The following NKAIN2 variants were observed in gnomAD, a reference collection of about 807,000 sequenced individuals.
The protein encoded by NKAIN2 is sodium/potassium-transporting ATPase subunit beta-1-interacting protein 2.
A neutral mutation model predicts 32.6 loss-of-function variants in NKAIN2; 14 were observed. The observed-to-expected ratio is 0.43, with a 90% confidence interval of 0.28 to 0.67. NKAIN2 has a LOEUF of 0.67. NKAIN2 is among the 30% of genes least tolerant of loss of function. The pLI is 0.17. For synonymous variants in NKAIN2, 80 were observed against 87.2 expected (o/e 0.92, Z 0.46); for missense variants, 198 against 258.3 (o/e 0.77, Z 1.60).
chr6:124,021,945 G>C lies in NKAIN2; in HGVS notation c.54+217691G>C, dbSNP rs191500250. On this transcript the variant is annotated intron_variant, in intron 1 of 6. Coordinates refer to ENST00000368417, the MANE Select transcript of NKAIN2 (RefSeq NM_001040214.3). ...GGTCTAGGGTACAAGTGCACAACGT[G>C]CAAGTTTTTTACATATGTATACATG... Among the ~76,000 whole-genome samples the C allele has an allele frequency of 1.4e-3, 208 of 152,214 alleles. 1 individual carries two copies. Among genetic ancestry groups the C allele is most frequent in the Non-Finnish European group, 2.2e-3 (149 of 68,014 alleles).
intron 3 of NKAIN2, among the ~76,000 whole-genome samples, chr6:124,497,599 G>GA (rs1778110723): frequency 1.3e-5 from 2 of 151,826 alleles, no homozygotes; most frequent in Non-Finnish European, 2.9e-5. Flanking sequence ...CAATGCTAAA[G>GA]AAGTTGGAAA....
chr6:123,903,133 G>A (rs1458950595), intron 1 of NKAIN2, among the ~76,000 whole-genome samples: 3 of 152,186 alleles, frequency 2.0e-5, no homozygotes, highest in African/African-American at 4.8e-5. Flanking sequence ...AGTGAAAGTC[G>A]TTATCCTCTG....
At chr6:124,405,149 G>C (rs936802876) in intron 3 of NKAIN2, among the ~76,000 whole-genome samples, 4 of 152,174 alleles carry the variant, frequency 2.6e-5, no homozygotes, top group African/African-American at 9.7e-5. Flanking sequence ...CTAACATAAA[G>C]TATTAAACAT....
At chr6:124,046,218 T>C (rs79907234) in intron 1 of NKAIN2, among the ~76,000 whole-genome samples, 3,163 of 152,138 alleles carry the variant, frequency 0.021, 118 homozygotes, top group African/African-American at 0.072. Context: ...AGTATGCTAC[T>C]ATATAAATAA....
chr6:123,809,276 ATTGT>A (rs1773351595), intron 1 of NKAIN2, among the ~76,000 whole-genome samples: 1 of 151,992 alleles, frequency 6.6e-6, no homozygotes, highest in South Asian at 2.1e-4. Flanking sequence ...TGGAAACTTG[ATTGT>A]TGTTTATTAT....
At chr6:124,667,430 A>C (rs927053970) in intron 4 of NKAIN2, among the ~76,000 whole-genome samples, 10 of 152,138 alleles carry the variant, frequency 6.6e-5, no homozygotes, top group African/African-American at 1.9e-4. Context: ...AGTGAAGTAC[A>C]TTAAATTATA....
chr6:124,551,889 T>G (rs1780300447), intron 3 of NKAIN2, among the ~76,000 whole-genome samples: 1 of 152,234 alleles, frequency 6.6e-6, no homozygotes, highest in Non-Finnish European at 1.5e-5. Context: ...ACCTTTGATG[T>G]GTCAGCTAAA....
intron 4 of NKAIN2, among the ~76,000 whole-genome samples, chr6:124,698,967 CAA>C (rs1774633171): frequency 6.6e-6 from 1 of 152,180 alleles, no homozygotes; most frequent in African/African-American, 2.4e-5. Flanking sequence ...CCAGGCCTAG[CAA>C]TTCCACTCAT....
At chr6:124,209,314 T>C (rs1482851361) in intron 1 of NKAIN2, among the ~76,000 whole-genome samples, 4 of 151,888 alleles carry the variant, frequency 2.6e-5, no homozygotes, top group African/African-American at 9.7e-5. Context: ...TTCCTTTTTA[T>C]GGCTGAATAA....
At chr6:124,147,182 A>G (rs903337384) in intron 1 of NKAIN2, among the ~76,000 whole-genome samples, 6 of 152,150 alleles carry the variant, frequency 3.9e-5, no homozygotes, top group Non-Finnish European at 7.3e-5. Context: ...CATGCTGCGG[A>G]CTTTTAGAAA....
intron 1 of NKAIN2, among the ~76,000 whole-genome samples, chr6:124,069,209 T>C (rs992882270): frequency 2.0e-5 from 3 of 152,166 alleles, no homozygotes; most frequent in Non-Finnish European, 4.4e-5. Context: ...TCTATTAAAC[T>C]TTATTACCTC....
intron 3 of NKAIN2, among the ~76,000 whole-genome samples, chr6:124,400,606 T>TC (rs558535749): frequency 2.4e-4 from 37 of 152,302 alleles, no homozygotes; most frequent in Middle Eastern, 3.4e-3. Context: ...ACACCAAGTT[T>TC]CCATTATATC....
Position 124,825,361 on chromosome 6 carries a change from A to G in NKAIN2, c.*2132A>G, listed in dbSNP as rs1466721208. On this transcript the variant is annotated 3_prime_UTR_variant, in exon 7 of 7. Coordinates refer to ENST00000368417, the MANE Select transcript of NKAIN2 (RefSeq NM_001040214.3). Reference sequence around the variant, plus strand: ...AGTAGTTGACTACTAAAAAGTAATCAGTGGACAGGTCATTTATGGGATCAG... The same window carrying G: ...AGTAGTTGACTACTAAAAAGTAATCGGTGGACAGGTCATTTATGGGATCAG... 1 of 152,650 alleles carries G rather than the reference A, an allele frequency of 6.6e-6. No homozygotes were observed. The highest frequency in any genetic ancestry group is 6.5e-5 in the Admixed American group (1 of 15,276). 9.5% of individuals were successfully genotyped at this position (152,650 alleles called of 1,614,324 possible). A position where few individuals can be genotyped will look rare whatever the true frequency, so the allele number is the denominator to read the frequency against.
rs551304574 is a variant in NKAIN2 at position 124,355,119 on chromosome 6, G to A, written c.193-148G>A. ...AAAAAAAATCTCAACAGAGATAAAC[G>A]TACATCTAATCCTGTTCCTTAGAGA... On this transcript the variant is annotated intron_variant, in intron 2 of 6. Coordinates refer to ENST00000368417, the MANE Select transcript of NKAIN2 (RefSeq NM_001040214.3). 7.6e-4 allele frequency: 361 copies of A among 474,364 alleles called. 2 individuals are homozygous for A. Among genetic ancestry groups the A allele is most frequent in the African/African-American group, 6.9e-3 (342 of 49,636 alleles). 29.4% of individuals were successfully genotyped at this position (474,364 alleles called of 1,614,324 possible).
intron 2 of NKAIN2, among the ~76,000 whole-genome samples, chr6:124,336,005 A>G (rs2325998): frequency 0.8 from 121,266 of 152,148 alleles, 48,457 homozygotes; most frequent in Admixed American, 0.86. Context: ...AATTTGTATC[A>G]TCTTACTGAA....
chr6:124,601,616 G>C (rs951726536), intron 3 of NKAIN2, among the ~76,000 whole-genome samples: 2 of 152,022 alleles, frequency 1.3e-5, no homozygotes, highest in African/African-American at 4.8e-5. Flanking sequence ...CATTGTGTCT[G>C]AAGAGTGCCT....
intron 4 of NKAIN2, among the ~76,000 whole-genome samples, chr6:124,712,835 C>A (rs1033046732): frequency 1.3e-5 from 2 of 152,036 alleles, no homozygotes; most frequent in African/African-American, 2.4e-5. Context: ...TCCCCCTAAA[C>A]TCTAGTTGGT....
At chr6:124,763,411 G>A (rs969623735) in intron 4 of NKAIN2, among the ~76,000 whole-genome samples, 9 of 152,196 alleles carry the variant, frequency 5.9e-5, no homozygotes, top group African/African-American at 1.9e-4. Flanking sequence ...AAGAGGGAAT[G>A]AGGCACTTCT....
At chr6:124,352,869 A>G (rs1798793264) in intron 2 of NKAIN2, among the ~76,000 whole-genome samples, 1 of 152,194 alleles carries the variant, frequency 6.6e-6, no homozygotes, top group Non-Finnish European at 1.5e-5. Flanking sequence ...CTCAACTCAT[A>G]GAGCTTCTCA....
Sources: gnomAD v4.1 joint callset for allele counts (sites outside exome capture counted in the v4.1 genomes callset) on GRCh38, gnomAD v4.1.1 for gene constraint, MANE v1.5 for transcripts, NCBI Gene and HGNC (gene_info 2026-07-23, HGNC 2026-07-21) for gene names.